Variants in LRGUK observed in about 807,000 individuals in gnomAD.
LRGUK encodes leucine-rich repeat and guanylate kinase domain-containing protein.
LRGUK carries 65 observed loss-of-function variants against 76.0 expected under a neutral mutation model. The ratio of observed to expected loss-of-function variants is 0.85; its 90% CI spans 0.70 to 1.05. The LOEUF (loss-of-function observed/expected upper bound fraction) is 1.05, where lower values mean the gene tolerates loss of function less well. Among genes scored for constraint, LRGUK ranks in the 50% least tolerant of loss-of-function variants. The pLI is 0.00. For missense variants in LRGUK, 758 were observed against 732.8 expected (o/e 1.03, Z -0.40); for synonymous variants, 268 against 265.6 (o/e 1.01, Z -0.09).
At chr7:134,163,449 A>T (rs756047792) in exon 7 of LRGUK, 23 of 1,614,014 alleles carry the variant, frequency 1.4e-5, no homozygotes, top group Non-Finnish European at 1.9e-5. Context: ...AAAGCCCTGC[A>T]GAACCTGGAT....
chr7:134,194,383 A>T (rs1800394922), intron 12 of LRGUK, among the ~76,000 whole-genome samples: 1 of 152,188 alleles, frequency 6.6e-6, no homozygotes, highest in Admixed American at 6.5e-5. Flanking sequence ...ATACATTTTG[A>T]AAACAGCGAG....
intron 19 of LRGUK, among the ~76,000 whole-genome samples, chr7:134,261,567 C>A (rs1003906805): frequency 6.6e-6 from 1 of 152,192 alleles, no homozygotes; most frequent in Admixed American, 6.5e-5. Flanking sequence ...TGGCAAGTCT[C>A]AAGTCTCTGC....
chr7:134,164,680 G>A lies in LRGUK; in HGVS notation c.939+1140G>A, dbSNP rs115136965. 3.7e-3 allele frequency among the ~76,000 whole-genome samples: 561 copies of A among 152,310 alleles called. 7 individuals carry two copies. Among genetic ancestry groups the A allele is most frequent in the African/African-American group, 0.012 (515 of 41,548 alleles). ...AAAGGGACAGTTGGTGCCAGCTCAA[G>A]TGAGCTGGGGTGTTGTGGGGATCTT... On this transcript the variant is annotated intron_variant, in intron 7 of 15. Transcript: ENST00000645682.
intron 11 of LRGUK, among the ~76,000 whole-genome samples, chr7:134,186,340 T>C (rs933222975): frequency 1.3e-5 from 2 of 152,246 alleles, no homozygotes; most frequent in African/African-American, 4.8e-5. Context: ...ATTAGAATGC[T>C]TATCCATCAT....
chr7:134,206,307 G>T (rs76591747), intron 15 of LRGUK, among the ~76,000 whole-genome samples: 5,917 of 152,244 alleles, frequency 0.039, 240 homozygotes, highest in East Asian at 0.15. Flanking sequence ...ACGAGGTCAG[G>T]AGGTCGAGAC....
At chr7:134,198,163 AT>A (rs1371001778) in intron 13 of LRGUK, among the ~76,000 whole-genome samples, 5 of 152,188 alleles carry the variant, frequency 3.3e-5, no homozygotes, top group African/African-American at 1.2e-4. Flanking sequence ...CTTCTCAGTG[AT>A]TAATTGGTTT....
At chr7:134,161,783 C>T (rs1404394325) in intron 6 of LRGUK, among the ~76,000 whole-genome samples, 18 of 151,176 alleles carry the variant, frequency 1.2e-4, no homozygotes, top group South Asian at 1.0e-3. Context: ...CTCCGCCTCC[C>T]GGATTCACGC....
Position 134,250,726 on chromosome 7 carries a change from G to A in LRGUK, c.2198+1650G>A, listed in dbSNP as rs74665326. Among the ~76,000 whole-genome samples the A allele has an allele frequency of 8.7e-3, 1,328 of 152,262 alleles. 20 individuals are homozygous for A. Among genetic ancestry groups the A allele is most frequent in the African/African-American group, 0.03 (1,254 of 41,546 alleles). On this transcript the variant is annotated intron_variant, in intron 18 of 19. Transcript: ENST00000285928. ...TAGTTAATTAGCTTTCTGTAACCGT[G>A]TTGAAACTGTGATCTCTGAGGATTT...
intron 5 of LRGUK, among the ~76,000 whole-genome samples, chr7:134,149,473 G>A (rs1798113694): frequency 1.3e-5 from 2 of 152,092 alleles, no homozygotes; most frequent in Admixed American, 1.3e-4. Context: ...ACAACAGAGG[G>A]TACGTTTTCT....
At chr7:134,248,284 T>C (rs1802359770) in intron 17 of LRGUK, among the ~76,000 whole-genome samples, 2 of 152,188 alleles carry the variant, frequency 1.3e-5, no homozygotes, top group Non-Finnish European at 1.5e-5. Context: ...AGAGAAACTA[T>C]GCAGTTTTAA....
intron 11 of LRGUK, among the ~76,000 whole-genome samples, chr7:134,186,970 G>A (rs1021297963): frequency 6.6e-6 from 1 of 152,162 alleles, no homozygotes; most frequent in African/African-American, 2.4e-5. Flanking sequence ...CTCCCTCAGA[G>A]TTTCAGAAGC....
rs1404822184 is a variant in LRGUK at position 134,225,483 on chromosome 7, T to C, written c.1983+3565T>C. Among the ~76,000 whole-genome samples, 5 of 152,194 alleles carry C rather than the reference T, an allele frequency of 3.3e-5. No individual in the cohort carries two copies. The South Asian group carries it at 6.2e-4, about 19-fold the overall frequency. Reference sequence around the variant, plus strand: ...GGCATTTACTGATCCCTGATGGTAGTAATTTGCAGAGCCCTGAGGTTCTGG... The same window carrying C: ...GGCATTTACTGATCCCTGATGGTAGCAATTTGCAGAGCCCTGAGGTTCTGG... On this transcript the variant is annotated intron_variant, in intron 16 of 19. Coordinates refer to the LRGUK transcript ENST00000285928.
intron 16 of LRGUK, among the ~76,000 whole-genome samples, chr7:134,234,789 T>G (rs1277347594): frequency 6.6e-6 from 1 of 151,442 alleles, no homozygotes; most frequent in Admixed American, 6.6e-5. Context: ...CTTTTCTTCC[T>G]TTCCCTTCCA....
intron 11 of LRGUK, among the ~76,000 whole-genome samples, chr7:134,186,497 A>T (rs1169816340): frequency 6.6e-6 from 1 of 152,190 alleles, no homozygotes; most frequent in African/African-American, 2.4e-5. Flanking sequence ...AATATTTGTT[A>T]AATAACTGAC....
At chr7:134,180,184 A>G (rs186144028) in intron 10 of LRGUK, among the ~76,000 whole-genome samples, 6 of 152,256 alleles carry the variant, frequency 3.9e-5, no homozygotes, top group Admixed American at 3.3e-4. Context: ...GTATTTCCCA[A>G]TTCCAGTCTG....
chr7:134,134,451 G>A (rs1028158740), intron 1 of LRGUK, among the ~76,000 whole-genome samples: 1 of 152,220 alleles, frequency 6.6e-6, no homozygotes, highest in African/African-American at 2.4e-5. Context: ...GCTTGAAAAT[G>A]ACCAAAGATC....
At chr7:134,218,380 A>AT (rs765692569) in intron 15 of LRGUK, among the ~76,000 whole-genome samples, 2 of 152,076 alleles carry the variant, frequency 1.3e-5, no homozygotes, top group African/African-American at 2.4e-5. Context: ...GTGTTGATAC[A>AT]TTTTTTTTGC....
rs991487028 is a variant in LRGUK at position 134,150,720 on chromosome 7, A to G, written c.670+2401A>G. On this transcript the variant is annotated intron_variant, in intron 5 of 15. Transcript: ENST00000645682. ...TTGGACTCAAAACACAGTTGAAAACATTTCTATCAAGAGAGTCTTAATTTC... is the reference window on the plus strand; with the variant it reads ...TTGGACTCAAAACACAGTTGAAAACGTTTCTATCAAGAGAGTCTTAATTTC... 2.6e-5 allele frequency among the ~76,000 whole-genome samples: 4 copies of G among 152,310 alleles called. No individual in the cohort carries two copies. In the East Asian group the frequency reaches 7.7e-4, roughly 29 times the overall value.
chr7:134,246,566 C>T (rs754641117), intron 16 of LRGUK, among the ~76,000 whole-genome samples: 1 of 152,228 alleles, frequency 6.6e-6, no homozygotes, highest in Non-Finnish European at 1.5e-5. Flanking sequence ...CTTTCACTAT[C>T]GTCTGTCCTT....
Sources: allele counts gnomAD v4.1 joint callset (sites outside exome capture counted in the v4.1 genomes callset), GRCh38; gene constraint gnomAD v4.1.1; transcripts MANE v1.5; gene names NCBI Gene and HGNC (gene_info 2026-07-23, HGNC 2026-07-21).